Variants in FBXO3 observed in about 807,000 individuals in gnomAD.
The protein encoded by FBXO3 is F-box only protein 3.
FBXO3 carries 17 observed loss-of-function variants against 64.8 expected under a neutral mutation model. That is an observed-to-expected ratio of 0.26 (90% confidence interval 0.18 to 0.39). FBXO3 has a LOEUF of 0.39. Among genes scored for constraint, FBXO3 ranks in the 10% least tolerant of loss-of-function variants. FBXO3 has a pLI of 1.00. For missense variants in FBXO3, 420 were observed against 589.9 expected (o/e 0.71, Z 2.98); for synonymous variants, 182 against 201.6 (o/e 0.90, Z 0.82).
At position 33,755,943 on chromosome 11, in the gene FBXO3, T is replaced by C. The variant is rs779587916; in HGVS notation, c.506A>G (p.Tyr169Cys). Residue 169 changes from tyrosine to cysteine, a missense_variant, in exon 5 of 11, where the codon TAT becomes TGT. Transcript: ENST00000265651. Reference sequence around the variant, plus strand: ...GACGTCTAACAAATCTTCAGAACGATAGTGATTAGACAGTGCCATGCTTCC... The same window carrying C: ...GACGTCTAACAAATCTTCAGAACGACAGTGATTAGACAGTGCCATGCTTCC... The part of the protein sequence containing the change: ...LLGSMALSNH[Y>C]RSEDLLDVDT... 4 of 1,614,126 alleles carry C rather than the reference T, an allele frequency of 2.5e-6. No homozygotes were observed. The highest frequency in any genetic ancestry group is 1.3e-5 in the African/African-American group (1 of 75,052).
intron 1 of FBXO3, chr11:33,771,144 T>C (rs1359221858): frequency 5.0e-6 from 1 of 198,684 alleles, no homozygotes; most frequent in Non-Finnish European, 1.0e-5. Context: ...ATGCTTATTA[T>C]CAGGACAATA....
At chr11:33,758,019 C>A (rs1578986) in intron 4 of FBXO3, among the ~76,000 whole-genome samples, 52,419 of 151,558 alleles carry the variant, frequency 0.35, 9,294 homozygotes, top group Middle Eastern at 0.54. Context: ...TTAAACAGGC[C>A]ATTCAATTAT....
In FBXO3 at chr11:33,757,236, T is replaced by C. The variant is rs565852515; in HGVS notation, c.473+1251A>G. Among the ~76,000 whole-genome samples the C allele has an allele frequency of 1.5e-4, 23 of 152,210 alleles. 1 individual carries two copies. The South Asian group carries it at 4.4e-3, about 29-fold the overall frequency. ...CAAGCACAATGTCTCTGAAATAGCTTACTTTCATAAAAGTACAAAAGGAGT... is the reference window on the plus strand; with the variant it reads ...CAAGCACAATGTCTCTGAAATAGCTCACTTTCATAAAAGTACAAAAGGAGT... On this transcript the variant is annotated intron_variant, in intron 4 of 10. Coordinates refer to ENST00000265651, the MANE Select transcript of FBXO3 (RefSeq NM_012175.4).
intron 2 of FBXO3, 66 bp from the exon 3 acceptor site, chr11:33,769,080 C>T: frequency 5.4e-6 from 7 of 1,293,532 alleles, no homozygotes; most frequent in Non-Finnish European, 7.5e-6. Flanking sequence ...TTTTAGATAC[C>T]TACAACATAT....
chr11:33,768,721 T>C (rs373693259), intron 3 of FBXO3, 130 bp downstream of exon 3: 16 of 1,071,324 alleles, frequency 1.5e-5, no homozygotes, highest in East Asian at 1.4e-4. Context: ...TGGCCAAATA[T>C]GAACAGTAAA....
chr11:33,757,858 AG>A (rs1855146523), intron 4 of FBXO3, among the ~76,000 whole-genome samples: 1 of 150,744 alleles, frequency 6.6e-6, no homozygotes, highest in African/African-American at 2.4e-5. Flanking sequence ...GGGACAGCTG[AG>A]GTGGCAGGAT....
intron 9 of FBXO3, 93 bp downstream of exon 9, chr11:33,748,684 G>A (rs1026592212): frequency 1.0e-5 from 7 of 671,824 alleles, no homozygotes; most frequent in Admixed American, 5.4e-5. Flanking sequence ...ATAGGATAAC[G>A]ACCTTTATAC....
chr11:33,757,064 A>G, intron 4 of FBXO3: 1 of 518,812 alleles, frequency 1.9e-6, no homozygotes, highest in Non-Finnish European at 3.8e-6. Context: ...TTATAATCTC[A>G]ATGTGATCAC....
At chr11:33,757,154 C>T (rs1590574014) in intron 4 of FBXO3, 2 of 501,998 alleles carry the variant, frequency 4.0e-6, no homozygotes, top group East Asian at 5.5e-5. Flanking sequence ...TACAAAGGAA[C>T]ACCAGGTTCC....
intron 1 of FBXO3, chr11:33,772,583 C>T (rs1039639035): frequency 2.0e-5 from 3 of 152,248 alleles, no homozygotes; most frequent in African/African-American, 4.8e-5. Flanking sequence ...TTTCCCTCTG[C>T]CAGAACTGCA....
intron 6 of FBXO3, among the ~76,000 whole-genome samples, chr11:33,752,053 A>C (rs951684924): frequency 1.3e-5 from 2 of 152,220 alleles, no homozygotes; most frequent in South Asian, 4.1e-4. Context: ...TCAAGCACAA[A>C]ATTTTGGCAG....
intron 1 of FBXO3, chr11:33,771,171 G>C (rs1855501530): frequency 6.1e-6 from 1 of 162,682 alleles, no homozygotes; most frequent in East Asian, 1.7e-4. Context: ...TCTACATATA[G>C]GAAGAAAGTT....
At chr11:33,770,117 G>A (rs1025653604) in intron 2 of FBXO3, among the ~76,000 whole-genome samples, 1 of 151,976 alleles carries the variant, frequency 6.6e-6, no homozygotes, top group Admixed American at 6.6e-5. Flanking sequence ...AGGGAAACAC[G>A]GGAAGATCTA....
chr11:33,757,044 T>C, intron 4 of FBXO3: 1 of 518,940 alleles, frequency 1.9e-6, no homozygotes, highest in African/African-American at 1.9e-5. Context: ...AGATTTGACT[T>C]CTGAATACCT....
intron 1 of FBXO3, chr11:33,774,142 G>A (rs1403782373): frequency 4.7e-6 from 2 of 427,712 alleles, no homozygotes; most frequent in Non-Finnish European, 4.2e-6. Flanking sequence ...GGGCCTCACC[G>A]AGGCCTGGGA....
At chr11:33,761,243 T>C (rs559300204) in intron 3 of FBXO3, among the ~76,000 whole-genome samples, 1 of 152,254 alleles carries the variant, frequency 6.6e-6, no homozygotes, top group African/African-American at 2.4e-5. Context: ...AAACATGGTA[T>C]AGCTCAACTC....
chr11:33,767,799 T>G (rs1855413537), intron 3 of FBXO3, among the ~76,000 whole-genome samples: 1 of 152,236 alleles, frequency 6.6e-6, no homozygotes, highest in East Asian at 1.9e-4. Flanking sequence ...AGATTTAGTT[T>G]CCTCTTGAAA....
intron 3 of FBXO3, among the ~76,000 whole-genome samples, chr11:33,761,713 A>T (rs772624692): frequency 1.4e-4 from 22 of 152,236 alleles, no homozygotes; most frequent in Non-Finnish European, 2.5e-4. Flanking sequence ...AAAGTATGGC[A>T]TCAACTGGGG....
At chr11:33,763,130 A>G (rs561137484) in intron 3 of FBXO3, 38 of 220,306 alleles carry the variant, frequency 1.7e-4, no homozygotes, top group South Asian at 8.5e-4. Flanking sequence ...CTTTCCTACA[A>G]TGAAAACTCC....
Sources: allele counts gnomAD v4.1 joint callset (sites outside exome capture counted in the v4.1 genomes callset), GRCh38; gene constraint gnomAD v4.1.1; transcripts MANE v1.5; gene names NCBI Gene and HGNC (gene_info 2026-07-23, HGNC 2026-07-21).